The following APLP2 variants were observed in gnomAD, a reference collection of about 807,000 sequenced individuals.
The protein encoded by APLP2 is amyloid beta precursor like protein 2, also known as CDEI box-binding protein.
A neutral mutation model predicts 89.9 loss-of-function variants in APLP2; 53 were observed. The ratio of observed to expected loss-of-function variants is 0.59; its 90% CI spans 0.47 to 0.74. The LOEUF (loss-of-function observed/expected upper bound fraction) is 0.74. APLP2 is among the 30% of genes least tolerant of loss of function. The pLI is 0.00. For synonymous variants in APLP2, 372 were observed against 348.6 expected, an observed-to-expected ratio of 1.07 and a Z score of -0.75; for missense variants, 973 against 975.9, an observed-to-expected ratio of 1.00 and a Z score of 0.04.
chr11:130,131,005 G>A (rs935012900), intron 11 of APLP2, among the ~76,000 whole-genome samples: 4 of 152,240 alleles, frequency 2.6e-5, no homozygotes, highest in African/African-American at 7.2e-5. Context: ...CTCCACACTG[G>A]CATTCAGTGC....
chr11:130,078,130 A>G (rs1942450357), intron 1 of APLP2, among the ~76,000 whole-genome samples: 1 of 148,964 alleles, frequency 6.7e-6, no homozygotes, highest in Admixed American at 6.7e-5. Flanking sequence ...CCTCCCATGC[A>G]TTCGTCCCTA....
Position 130,069,918 on chromosome 11 carries a change from T to C in APLP2, c.-60T>C, listed in dbSNP as rs1940515650. 6 of 1,308,606 alleles carry C rather than the reference T, an allele frequency of 4.6e-6. No homozygotes were observed. The highest frequency in any genetic ancestry group is 6.2e-6 in the Non-Finnish European group (6 of 961,868). 81.1% of individuals were successfully genotyped at this position (1,308,606 alleles called of 1,614,324 possible). A position where few individuals can be genotyped will look rare whatever the true frequency, so the allele number is the denominator to read the frequency against. Reference sequence around the variant, plus strand: ...TAGATGCTTCTGGGTCGCGGTGTGCTAAGCGAGGAGTCCGAGTGTGTGAGC... The same window carrying C: ...TAGATGCTTCTGGGTCGCGGTGTGCCAAGCGAGGAGTCCGAGTGTGTGAGC... On this transcript the variant is annotated 5_prime_UTR_variant, in exon 1 of 17. Transcript: ENST00000338167.
At chr11:130,070,889 G>A (rs936198533) in intron 1 of APLP2, 1 of 859,100 alleles carries the variant, frequency 1.2e-6, no homozygotes, top group Non-Finnish European at 1.5e-6. Context: ...GAGCATCCCC[G>A]CTGCGAGAAA....
At chr11:130,118,941 A>G (rs1949515605) in intron 3 of APLP2, among the ~76,000 whole-genome samples, 1 of 152,158 alleles carries the variant, frequency 6.6e-6, no homozygotes, top group African/African-American at 2.4e-5. Flanking sequence ...GGACTGTTAC[A>G]CTGCTACAGC....
rs994382402 is a variant in APLP2, at chr11:130,141,176, G to A, written c.1924-322G>A. ...CTGCCTCGGCCTCCCAAAGTGCTGG[G>A]ATTACAGGCGTGAGCCACCGCGCCT... On this transcript the variant is annotated intron_variant, in intron 14 of 16. Transcript: ENST00000338167. The surrounding 1 kb of genome is among the most constrained non-coding windows in gnomAD (Gnocchi z 4.2). 4.7e-5 allele frequency: 11 copies of A among 234,660 alleles called. No homozygotes were observed. The highest frequency in any genetic ancestry group is 2.3e-4 in the African/African-American group (10 of 43,704). The allele number at this position is 234,660 out of a possible 1,614,324, so 14.5% of individuals were successfully genotyped here.
chr11:130,093,040 C>T lies in APLP2; in HGVS notation c.106-16389C>T, dbSNP rs546946884. 1.2e-4 allele frequency among the ~76,000 whole-genome samples: 18 copies of T among 152,248 alleles called. No homozygotes were observed. The East Asian group carries it at 3.3e-3, about 28-fold the overall frequency. On this transcript the variant is annotated intron_variant, in intron 1 of 16. Coordinates refer to ENST00000338167, the MANE Select transcript of APLP2 (RefSeq NM_001142276.2). ...TAGCCCCCTGAATACCCCTCCCTAC[C>T]TGGCAGTCTAGGAAAAGACTTGAGG...
intron 11 of APLP2, among the ~76,000 whole-genome samples, chr11:130,131,003 T>G (rs1950885553): frequency 6.6e-6 from 1 of 152,258 alleles, no homozygotes; most frequent in Non-Finnish European, 1.5e-5. Context: ...GACTCCACAC[T>G]GGCATTCAGT....
At position 130,140,684 on chromosome 11, in the gene APLP2, G is replaced by A. The variant is rs1423072613; in HGVS notation, c.1923+201G>A. 7.3e-6 allele frequency: 3 copies of A among 411,162 alleles called. No individual in the cohort carries two copies. The South Asian group carries it at 1.5e-4, about 20-fold the overall frequency. The allele number at this position is 411,162 out of a possible 1,614,324, so 25.5% of individuals were successfully genotyped here. Reference sequence around the variant, plus strand: ...GAAAAGGATTAAAAAGCCCTTTTCAGCAGTAGCTCATCTCTTGCTATAGAG... The same window carrying A: ...GAAAAGGATTAAAAAGCCCTTTTCAACAGTAGCTCATCTCTTGCTATAGAG... On this transcript the variant is annotated intron_variant, in intron 14 of 16. Transcript: ENST00000338167.
At chr11:130,137,181 A>T in intron 13 of APLP2, 2 of 1,331,562 alleles carry the variant, frequency 1.5e-6, no homozygotes, top group Non-Finnish European at 2.1e-6. Flanking sequence ...TAGAAATTTT[A>T]AAAGAAGCCA....
chr11:130,082,610 A>C (rs982578649), intron 1 of APLP2: 1 of 154,516 alleles, frequency 6.5e-6, no homozygotes, highest in African/African-American at 2.4e-5. Flanking sequence ...GAACCACTGT[A>C]GGCCCCGATG....
At chr11:130,119,196 C>G (rs2135921138) in intron 3 of APLP2, among the ~76,000 whole-genome samples, 1 of 152,322 alleles carries the variant, frequency 6.6e-6, no homozygotes, top group South Asian at 2.1e-4. Flanking sequence ...CCCCCCTTAA[C>G]CTCAGAGGTT....
At chr11:130,093,035 C>T (rs999005376) in intron 1 of APLP2, among the ~76,000 whole-genome samples, 51 of 152,258 alleles carry the variant, frequency 3.3e-4, no homozygotes, top group African/African-American at 1.2e-3. Context: ...AATACCCCTC[C>T]CTACCTGGCA....
intron 1 of APLP2, among the ~76,000 whole-genome samples, chr11:130,102,290 C>G (rs1230167234): frequency 1.3e-5 from 2 of 152,148 alleles, no homozygotes; most frequent in Non-Finnish European, 2.9e-5. Flanking sequence ...GGTTTTTGAA[C>G]AAGAGCGTCG....
At chr11:130,089,169 A>G (rs946100944) in intron 1 of APLP2, among the ~76,000 whole-genome samples, 1 of 152,068 alleles carries the variant, frequency 6.6e-6, no homozygotes, top group Non-Finnish European at 1.5e-5. Context: ...CTGTCCAAGT[A>G]TTTCTCATCT....
intron 1 of APLP2, among the ~76,000 whole-genome samples, chr11:130,105,045 G>A (rs1157225265): frequency 6.6e-6 from 1 of 152,174 alleles, no homozygotes. Flanking sequence ...CTGATTAGAA[G>A]GATTGTTCAT....
intron 13 of APLP2, among the ~76,000 whole-genome samples, chr11:130,136,202 G>GT (rs1438559488): frequency 6.6e-6 from 1 of 152,164 alleles, no homozygotes; most frequent in Non-Finnish European, 1.5e-5. Flanking sequence ...GGTTCTCAGT[G>GT]TCTAAGAGGA....
rs780322711 is a variant in APLP2, at chr11:130,141,576, C to T, written c.1998+4C>T. On this transcript the variant is annotated splice_donor_region_variant and intron_variant, in intron 15 of 16. Transcript: ENST00000338167. The surrounding 1 kb of genome is among the most constrained non-coding windows in gnomAD (Gnocchi z 4.2). Reference sequence around the variant, plus strand: ...TGGAGGCCTCGAGGAAGAGCGGGTACGTGTTTAGCTCCAGAACCTAAGGTT... The same window carrying T: ...TGGAGGCCTCGAGGAAGAGCGGGTATGTGTTTAGCTCCAGAACCTAAGGTT... 14 of 1,612,764 alleles carry T rather than the reference C, an allele frequency of 8.7e-6. No individual in the cohort carries two copies. The Admixed American group carries it at 1.0e-4, about 12-fold the overall frequency.
chr11:130,081,307 A>G (rs1386920769), intron 1 of APLP2, among the ~76,000 whole-genome samples: 1 of 152,190 alleles, frequency 6.6e-6, no homozygotes, highest in South Asian at 2.1e-4. Context: ...ATAGGTATTC[A>G]TGCTGTGAAT....
chr11:130,109,382 G>A (rs753809853), intron 1 of APLP2, 47 bp from the exon 2 acceptor site: 2 of 1,567,820 alleles, frequency 1.3e-6, no homozygotes, highest in South Asian at 2.4e-5. Flanking sequence ...TGTTGCCTCT[G>A]TGCTAGCCTT....
Sources: gnomAD v4.1 joint callset for allele counts (sites outside exome capture counted in the v4.1 genomes callset) on GRCh38, gnomAD v4.1.1 for gene constraint, Gnocchi (gnomAD v3.1) non-coding constraint, MANE v1.5 for transcripts, NCBI Gene and HGNC (gene_info 2026-07-23, HGNC 2026-07-21) for gene names.